AP4E1: variants seen among roughly 807,000 people sequenced by gnomAD.
AP4E1 encodes the protein adaptor related protein complex 4 subunit epsilon 1, also known as AP-4 complex subunit epsilon-1.
A neutral mutation model predicts 128.2 loss-of-function variants in AP4E1; 56 were observed. The observed-to-expected ratio is 0.44, with a 90% confidence interval of 0.35 to 0.55. AP4E1 has a LOEUF of 0.55. AP4E1 is among the 20% of genes least tolerant of loss of function. The pLI is 0.00. For missense variants in AP4E1, 1,324 were observed against 1,307.7 expected (o/e 1.01, Z -0.19); for synonymous variants, 484 against 473.1 (o/e 1.02, Z -0.30).
intron 13 of AP4E1, among the ~76,000 whole-genome samples, chr15:50,951,026 G>A (rs946141990): frequency 6.6e-6 from 1 of 152,114 alleles, no homozygotes; most frequent in African/African-American, 2.4e-5. Context: ...ATCATTGATA[G>A]GCTATCTGTG....
rs567235562 is a variant in AP4E1, at chr15:50,938,817, C to A, written c.944-2625C>A. On this transcript the variant is annotated intron_variant, in intron 8 of 20. Transcript: ENST00000261842. ...CAGTTGATACTCCCTCCAACAATAA[C>A]CAGGAGCCTCTCCATCCCCAGGTAT... 3.9e-5 allele frequency among the ~76,000 whole-genome samples: 6 copies of A among 152,274 alleles called. No individual in the cohort carries two copies. In the East Asian group the frequency reaches 1.2e-3, roughly 29 times the overall value.
chr15:50,919,650 G>T (rs1167889615), intron 3 of AP4E1, among the ~76,000 whole-genome samples: 1 of 151,834 alleles, frequency 6.6e-6, no homozygotes. Context: ...TATATTAAAG[G>T]GGATCTCAGA....
In AP4E1 at chr15:50,929,006, C is replaced by A. The variant is rs751593658; in HGVS notation, c.543-3C>A. ...TTGTTTAAATTTCATTTTTTGTCTT[C>A]AGGGAGATTGTACGAAGAAAAGCTG... On this transcript the variant is annotated splice_polypyrimidine_tract_variant and splice_region_variant and intron_variant, in intron 5 of 20. Coordinates refer to ENST00000261842, the MANE Select transcript of AP4E1 (RefSeq NM_007347.5). 2 of 1,613,436 alleles carry A rather than the reference C, an allele frequency of 1.2e-6. No individual in the cohort carries two copies. The highest frequency in any genetic ancestry group is 1.1e-5 in the South Asian group (1 of 91,042).
chr15:50,962,889 CAAAAAAAAA>C (rs71127168), intron 14 of AP4E1, among the ~76,000 whole-genome samples: 1,774 of 38,760 alleles, frequency 0.046, 106 homozygotes, highest in African/African-American at 0.19. Flanking sequence ...AATTCAACAG[CAAAAAAAAA>C]AAAAAAAAAA....
At chr15:50,945,282 G>A (rs1172958583) in intron 10 of AP4E1, 3 of 782,382 alleles carry the variant, frequency 3.8e-6, no homozygotes, top group East Asian at 2.4e-5. Context: ...TAACCCAATC[G>A]AGACATTTCT....
chr15:50,943,640 G>GT (rs2064017764), intron 10 of AP4E1, among the ~76,000 whole-genome samples: 1 of 152,170 alleles, frequency 6.6e-6, no homozygotes, highest in Non-Finnish European at 1.5e-5. Context: ...CTTAGGTACA[G>GT]TTTTTTCTTA....
intron 5 of AP4E1, among the ~76,000 whole-genome samples, chr15:50,926,826 G>A (rs1399683113): frequency 4.6e-5 from 7 of 152,000 alleles, no homozygotes; most frequent in Non-Finnish European, 8.8e-5. Context: ...TCCTGACCTC[G>A]TGATCCACCT....
At chr15:50,976,854 T>TA (rs1006786062) in intron 15 of AP4E1, among the ~76,000 whole-genome samples, 2 of 152,178 alleles carry the variant, frequency 1.3e-5, no homozygotes, top group Non-Finnish European at 1.5e-5. Context: ...CACTGAACGT[T>TA]AATGAAAGAA....
intron 18 of AP4E1, 25 bp from the exon 19 acceptor site, chr15:50,999,047 A>G (rs753166159): frequency 1.2e-6 from 2 of 1,611,554 alleles, no homozygotes; most frequent in Non-Finnish European, 1.7e-6. Context: ...TCCTTCTTCA[A>G]CACTTTTATT....
chr15:50,985,545 C>T (rs1343320688), intron 16 of AP4E1, among the ~76,000 whole-genome samples: 1 of 152,192 alleles, frequency 6.6e-6, no homozygotes. Flanking sequence ...CCAGTTTTCC[C>T]AGCACCATTT....
intron 10 of AP4E1, among the ~76,000 whole-genome samples, chr15:50,944,020 A>G (rs1010220356): frequency 2.6e-5 from 4 of 152,242 alleles, no homozygotes; most frequent in African/African-American, 7.2e-5. Flanking sequence ...TTTCATAATT[A>G]TCCTTTCACT....
chr15:50,915,285 A>G, intron 2 of AP4E1, 163 bp from the exon 3 acceptor site: 3 of 716,256 alleles, frequency 4.2e-6, no homozygotes, highest in South Asian at 4.0e-5. Context: ...ATCAGGAGCA[A>G]TTTTTATTTA....
At chr15:50,934,007 A>AG (rs1338726808) in intron 7 of AP4E1, among the ~76,000 whole-genome samples, 1 of 152,096 alleles carries the variant, frequency 6.6e-6, no homozygotes, top group East Asian at 1.9e-4. Flanking sequence ...GCGTGGAGGC[A>AG]GAGTGCTAGG....
At chr15:50,999,399 G>T in intron 19 of AP4E1, 137 bp downstream of exon 19, 2 of 664,634 alleles carry the variant, frequency 3.0e-6, no homozygotes, top group Non-Finnish European at 5.1e-6. Flanking sequence ...TACGTTAGAG[G>T]AATTTCTAGT....
chr15:50,911,242 G>C (rs1221042787), intron 1 of AP4E1, among the ~76,000 whole-genome samples: 1 of 152,150 alleles, frequency 6.6e-6, no homozygotes, highest in Non-Finnish European at 1.5e-5. Flanking sequence ...AATGCAGACA[G>C]TAGGAGTGAC....
intron 1 of AP4E1, 37 bp from the exon 2 acceptor site, chr15:50,912,041 C>T (rs1430894719): frequency 4.1e-6 from 6 of 1,473,364 alleles, no homozygotes; most frequent in Non-Finnish European, 4.8e-6. Context: ...TTTTAAAAGA[C>T]AGTTAATCAA....
At chr15:50,973,868 A>G (rs2140901634) in intron 15 of AP4E1, among the ~76,000 whole-genome samples, 1 of 152,382 alleles carries the variant, frequency 6.6e-6, no homozygotes, top group African/African-American at 2.4e-5. Flanking sequence ...ATAGTGCTGC[A>G]GTGAACATGG....
rs1379781392 is a variant in AP4E1, at chr15:51,005,471, C to T, written c.*2809C>T. ...TTTGAAAGTGGGCCTGAGTAAGGGTCCTGCTAGAGAAACTGCAGATGGAAG... is the reference window on the plus strand; with the variant it reads ...TTTGAAAGTGGGCCTGAGTAAGGGTTCTGCTAGAGAAACTGCAGATGGAAG... On this transcript the variant is annotated 3_prime_UTR_variant, in exon 21 of 21. Transcript: ENST00000261842. 6.6e-6 allele frequency: 1 copy of T among 152,596 alleles called. No individual in the cohort carries two copies. The highest frequency in any genetic ancestry group is 6.6e-5 in the Admixed American group (1 of 15,266). 9.5% of individuals were successfully genotyped at this position (152,596 alleles called of 1,614,324 possible). A position where few individuals can be genotyped will look rare whatever the true frequency, so the allele number is the denominator to read the frequency against.
chr15:50,999,685 C>G (rs1313782950), intron 19 of AP4E1, among the ~76,000 whole-genome samples: 8 of 152,010 alleles, frequency 5.3e-5, no homozygotes, highest in Non-Finnish European at 1.2e-4. Flanking sequence ...AAGAAAATTG[C>G]TTGACATAGT....
Sources: allele counts gnomAD v4.1 joint callset (sites outside exome capture counted in the v4.1 genomes callset), GRCh38; gene constraint gnomAD v4.1.1; transcripts MANE v1.5; gene names NCBI Gene and HGNC (gene_info 2026-07-23, HGNC 2026-07-21).